Variants in PGBD2 observed in about 807,000 individuals in gnomAD.
PGBD2 encodes piggyBac transposable element-derived protein 2.
In PGBD2, 6 loss-of-function variants were observed where a neutral mutation model predicts 8.1. That is an observed-to-expected ratio of 0.74 (90% CI 0.40 to 1.46). PGBD2 has a LOEUF of 1.46. PGBD2 is among the 40% of genes most tolerant of loss of function. PGBD2 has a pLI of 0.02. For missense variants in PGBD2, 802 were observed against 739.0 expected, an observed-to-expected ratio of 1.09 and a Z score of -0.99; for synonymous variants, 318 against 272.2, an observed-to-expected ratio of 1.17 and a Z score of -1.66.
chr1:248,924,534 A>G (rs1662347260), downstream of PGBD2, among the ~76,000 whole-genome samples: 2 of 152,230 alleles, frequency 1.3e-5, no homozygotes, highest in South Asian at 2.1e-4. Context: ...GATAGAAAAA[A>G]GTGACATTCA....
chr1:248,923,790 G>T (rs566194799), downstream of PGBD2, among the ~76,000 whole-genome samples: 2 of 152,320 alleles, frequency 1.3e-5, no homozygotes, highest in Non-Finnish European at 1.5e-5. Flanking sequence ...TCCACAGTCA[G>T]CATAAGGATG....
At chr1:248,886,534 A>G in the PGBD2 span, among the ~76,000 whole-genome samples, 2 of 152,206 alleles carry the variant, frequency 1.3e-5, no homozygotes, top group African/African-American at 4.8e-5. Context: ...GAGAAGAAAA[A>G]TATCTTCCTA....
At chr1:248,899,797 GAAAAAAA>G in the PGBD2 span, among the ~76,000 whole-genome samples, 2 of 125,888 alleles carry the variant, frequency 1.6e-5, no homozygotes, top group African/African-American at 5.7e-5. Flanking sequence ...TTTTTTTTGG[GAAAAAAA>G]AAAAAAAGTA....
At chr1:248,898,108 G>A in the PGBD2 span, among the ~76,000 whole-genome samples, 1 of 152,206 alleles carries the variant, frequency 6.6e-6, no homozygotes. Flanking sequence ...CCTTGGGGGA[G>A]GGGCAGCCAT....
downstream of PGBD2, among the ~76,000 whole-genome samples, chr1:248,920,830 G>A (rs1265659821): frequency 1.2e-4 from 19 of 152,036 alleles, no homozygotes; most frequent in Non-Finnish European, 1.9e-4. Flanking sequence ...GTTAATGATC[G>A]CCATTCTAAC....
At chr1:248,877,023 C>G in the PGBD2 span, among the ~76,000 whole-genome samples, 2 of 152,084 alleles carry the variant, frequency 1.3e-5, no homozygotes, top group Admixed American at 6.5e-5. Context: ...TATTAATTGT[C>G]CCCAAAAATC....
At chr1:248,925,664 G>T in the PGBD2 span, among the ~76,000 whole-genome samples, 1 of 151,898 alleles carries the variant, frequency 6.6e-6, no homozygotes, top group South Asian at 2.1e-4. Flanking sequence ...GAAGAGGCAG[G>T]CTGCTAATCC....
the PGBD2 span, among the ~76,000 whole-genome samples, chr1:248,898,207 G>T: frequency 7.7e-4 from 118 of 152,296 alleles, 1 homozygote; most frequent in African/African-American, 2.8e-3. Flanking sequence ...CCCCAACAGT[G>T]TACCAACTCC....
At chr1:248,891,614 G>A in the PGBD2 span, among the ~76,000 whole-genome samples, 1 of 152,188 alleles carries the variant, frequency 6.6e-6, no homozygotes, top group African/African-American at 2.4e-5. Flanking sequence ...TGAATTGCGT[G>A]AGCCCAGGAG....
the PGBD2 span, among the ~76,000 whole-genome samples, chr1:248,877,660 T>C: frequency 6.6e-6 from 1 of 152,170 alleles, no homozygotes; most frequent in Non-Finnish European, 1.5e-5. Flanking sequence ...TAACAGAAAT[T>C]AACTTGGAAA....
chr1:248,926,517 C>T, the PGBD2 span, among the ~76,000 whole-genome samples: 1 of 152,142 alleles, frequency 6.6e-6, no homozygotes, highest in Admixed American at 6.5e-5. Context: ...CTGTTGTTGA[C>T]TTTGAAAGCT....
intron 1 of PGBD2, among the ~76,000 whole-genome samples, chr1:248,911,543 C>T (rs1275700928): frequency 4.8e-5 from 7 of 145,770 alleles, no homozygotes; most frequent in African/African-American, 1.1e-4. Flanking sequence ...GGCAACCATC[C>T]GATTTCTCAA....
At chr1:248,879,390 G>T in the PGBD2 span, among the ~76,000 whole-genome samples, 10 of 152,116 alleles carry the variant, frequency 6.6e-5, no homozygotes, top group South Asian at 2.1e-3. Context: ...GCCTTTGAAT[G>T]ATCTTTTTAT....
chr1:248,909,740 G>A (rs1661796767), intron 1 of PGBD2, among the ~76,000 whole-genome samples: 1 of 152,134 alleles, frequency 6.6e-6, no homozygotes, highest in Non-Finnish European at 1.5e-5. Context: ...CCATAGGCAG[G>A]GAATGGCACC....
At chr1:248,882,749 C>T in the PGBD2 span, among the ~76,000 whole-genome samples, 2 of 152,262 alleles carry the variant, frequency 1.3e-5, no homozygotes, top group Admixed American at 6.5e-5. Flanking sequence ...CCTCCCTGAC[C>T]GCACGTCCAT....
intron 1 of PGBD2, among the ~76,000 whole-genome samples, chr1:248,909,965 T>C (rs1222653627): frequency 6.6e-6 from 1 of 152,210 alleles, no homozygotes; most frequent in Admixed American, 6.5e-5. Context: ...GCTGTGAAGA[T>C]GGGCTCATGC....
rs755402023 is a variant in PGBD2 at position 248,917,580 on chromosome 1, A to C, written c.996A>C (p.Ile332=). ...RSLDLGGSMV[I]KFVDALQERG... is the part of the protein sequence containing the mutation. The stretch of plus-strand genomic sequence containing the variant: ...TGGATCTAGGAGGCAGTATGGTAAT[A>C]AAATTTGTGGATGCGCTTCAGGAGC... Residue 332 remains isoleucine, a synonymous_variant, in exon 3 of 3, where the codon ATA becomes ATC. Coordinates refer to ENST00000329291, the MANE Select transcript of PGBD2 (RefSeq NM_170725.3). The C allele has an allele frequency of 8.1e-6, 13 of 1,614,246 alleles. 1 individual carries two copies. The South Asian group carries it at 1.4e-4, about 18-fold the overall frequency.
chr1:248,873,627 A>G, the PGBD2 span, among the ~76,000 whole-genome samples: 1 of 152,182 alleles, frequency 6.6e-6, no homozygotes, highest in Non-Finnish European at 1.5e-5. Flanking sequence ...GCACACGGTC[A>G]CTAACCCCTG....
At chr1:248,910,116 C>G (rs1465808491) in intron 1 of PGBD2, among the ~76,000 whole-genome samples, 1 of 152,182 alleles carries the variant, frequency 6.6e-6, no homozygotes, top group Non-Finnish European at 1.5e-5. Context: ...TTGACCCAAA[C>G]CTGGCTGGAC....
Sources: gnomAD v4.1 joint callset for allele counts (sites outside exome capture counted in the v4.1 genomes callset) on GRCh38, gnomAD v4.1.1 for gene constraint, MANE v1.5 for transcripts, NCBI Gene and HGNC (gene_info 2026-07-23, HGNC 2026-07-21) for gene names.